The following MDGA2 variants were observed in gnomAD, a reference collection of about 807,000 sequenced individuals.
MDGA2 encodes the protein MAM domain containing glycosylphosphatidylinositol anchor 2.
MDGA2 carries 40 observed loss-of-function variants against 117.8 expected under a neutral mutation model. The observed-to-expected ratio is 0.34, with a 90% CI of 0.26 to 0.44. The LOEUF is 0.44. MDGA2 is among the 20% of genes least tolerant of loss of function. The probability of loss-of-function intolerance (pLI) is 1.00; values close to 1 mark genes in which losing one functional copy is unlikely to be tolerated. For synonymous variants in MDGA2, 452 were observed against 439.0 expected, an observed-to-expected ratio of 1.03 and a Z score of -0.37; for missense variants, 1,123 against 1,250.6, an observed-to-expected ratio of 0.90 and a Z score of 1.54.
At chr14:47,490,186 G>A (rs141462519) in intron 1 of MDGA2, among the ~76,000 whole-genome samples, 1 of 152,120 alleles carries the variant, frequency 6.6e-6, no homozygotes, top group Admixed American at 6.6e-5. Context: ...AACTCTTGGG[G>A]TTAGCTCATA....
intron 1 of MDGA2, among the ~76,000 whole-genome samples, chr14:47,568,060 C>T (rs888321715): frequency 2.0e-5 from 3 of 152,108 alleles, no homozygotes; most frequent in Admixed American, 2.0e-4. Context: ...TTAGTCAGTA[C>T]TGCTGGGGCC....
chr14:46,930,620 A>T (rs1884532787), intron 9 of MDGA2, among the ~76,000 whole-genome samples: 1 of 152,168 alleles, frequency 6.6e-6, no homozygotes, highest in Non-Finnish European at 1.5e-5. Context: ...GTGTACTTGA[A>T]ATGAGAAAGA....
At chr14:47,089,175 A>G (rs571322414) in intron 6 of MDGA2, among the ~76,000 whole-genome samples, 1 of 152,304 alleles carries the variant, frequency 6.6e-6, no homozygotes, top group African/African-American at 2.4e-5. Flanking sequence ...AATAGAGGAA[A>G]TAGAAAAGGA....
At chr14:47,072,392 G>A (rs554433191) in intron 6 of MDGA2, among the ~76,000 whole-genome samples, 1 of 152,244 alleles carries the variant, frequency 6.6e-6, no homozygotes, top group South Asian at 2.1e-4. Flanking sequence ...AGACTTGTTG[G>A]ATATAAGTCA....
At chr14:47,670,712 G>A (rs948481021) in intron 1 of MDGA2, among the ~76,000 whole-genome samples, 5 of 151,998 alleles carry the variant, frequency 3.3e-5, no homozygotes, top group South Asian at 2.1e-4. Flanking sequence ...AATTAATAAC[G>A]TGAAAAATAG....
At chr14:47,420,232 A>AC (rs1892551536) in intron 1 of MDGA2, among the ~76,000 whole-genome samples, 1 of 152,310 alleles carries the variant, frequency 6.6e-6, no homozygotes, top group Non-Finnish European at 1.5e-5. Context: ...CTGACAAGAC[A>AC]CCAACTGACA....
At chr14:47,245,696 T>C (rs1483107009) in intron 2 of MDGA2, among the ~76,000 whole-genome samples, 1 of 151,906 alleles carries the variant, frequency 6.6e-6, no homozygotes, top group Non-Finnish European at 1.5e-5. Flanking sequence ...TAGTATTTTT[T>C]GTAAACATAC....
chr14:47,388,233 C>T (rs1205577258), intron 1 of MDGA2, among the ~76,000 whole-genome samples: 3 of 152,074 alleles, frequency 2.0e-5, no homozygotes, highest in Admixed American at 6.6e-5. Context: ...TAAGAAATAA[C>T]GGTATAAGTG....
chr14:47,360,387 AAAT>A, intron 1 of MDGA2, among the ~76,000 whole-genome samples: 1 of 132,794 alleles, frequency 7.5e-6, no homozygotes, highest in South Asian at 2.3e-4. Flanking sequence ...ATAAATAAAT[AAAT>A]AAAATAAAAT....
At chr14:47,144,658 T>C (rs768569576) in intron 3 of MDGA2, among the ~76,000 whole-genome samples, 1 of 151,978 alleles carries the variant, frequency 6.6e-6, no homozygotes, top group African/African-American at 2.4e-5. Flanking sequence ...TTCTCTTTTT[T>C]CTTTTTTTAA....
chr14:47,285,920 C>T (rs183977687), intron 2 of MDGA2, among the ~76,000 whole-genome samples: 8 of 152,148 alleles, frequency 5.3e-5, no homozygotes, highest in Non-Finnish European at 7.4e-5. Flanking sequence ...GATTTTAAAA[C>T]CATGCCATTT....
At chr14:47,388,837 T>C (rs1223779895) in intron 1 of MDGA2, among the ~76,000 whole-genome samples, 2 of 152,130 alleles carry the variant, frequency 1.3e-5, no homozygotes, top group Non-Finnish European at 2.9e-5. Flanking sequence ...GGCCTGAGTC[T>C]AACTCCTCAG....
intron 1 of MDGA2, among the ~76,000 whole-genome samples, chr14:47,637,657 G>A (rs1428757726): frequency 2.0e-5 from 3 of 152,114 alleles, no homozygotes; most frequent in East Asian, 1.9e-4. Flanking sequence ...GCATAAAAAT[G>A]CCCTCATGTA....
At chr14:46,928,904 CT>C (rs1566529770) in intron 9 of MDGA2, among the ~76,000 whole-genome samples, 3 of 152,128 alleles carry the variant, frequency 2.0e-5, no homozygotes, top group Middle Eastern at 6.8e-3. Flanking sequence ...TGTTGAGGTC[CT>C]TTCCCAGATT....
chr14:47,359,358 CA>C (rs1051943737), intron 1 of MDGA2, among the ~76,000 whole-genome samples: 1 of 151,284 alleles, frequency 6.6e-6, no homozygotes, highest in Non-Finnish European at 1.5e-5. Context: ...GTCTCAAAAA[CA>C]AACAAACAAG....
In MDGA2 at chr14:47,613,709, C is replaced by T. The variant is rs188446545; in HGVS notation, c.280+60808G>A. On this transcript the variant is annotated intron_variant, in intron 1 of 16. Coordinates refer to ENST00000399232, the MANE Select transcript of MDGA2 (RefSeq NM_001113498.3). ...CCTTTGTGAATGATACATATCTGTC[C>T]TATCAACATTCATCACACGTGATGA... Among the ~76,000 whole-genome samples, 9 of 152,182 alleles carry T rather than the reference C, an allele frequency of 5.9e-5. No homozygotes were observed. In the East Asian group the frequency reaches 1.7e-3, roughly 29 times the overall value.
chr14:47,443,465 G>T (rs1250675794), intron 1 of MDGA2, among the ~76,000 whole-genome samples: 8 of 151,812 alleles, frequency 5.3e-5, no homozygotes, highest in Admixed American at 5.3e-4. Flanking sequence ...GATGAGAAAT[G>T]GTAATTGTGT....
intron 3 of MDGA2, among the ~76,000 whole-genome samples, chr14:47,209,513 C>A (rs1885807259): frequency 6.6e-6 from 1 of 152,132 alleles, no homozygotes; most frequent in East Asian, 1.9e-4. Flanking sequence ...TCTGTGAATG[C>A]ATCTTAAGAG....
chr14:47,070,717 C>T (rs1742074029), intron 6 of MDGA2, among the ~76,000 whole-genome samples: 1 of 152,244 alleles, frequency 6.6e-6, no homozygotes, highest in African/African-American at 2.4e-5. Context: ...GCAATTCTCC[C>T]ACCTCAGCTT....
Sources: gnomAD v4.1 joint callset for allele counts (sites outside exome capture counted in the v4.1 genomes callset) on GRCh38, gnomAD v4.1.1 for gene constraint, MANE v1.5 for transcripts, NCBI Gene and HGNC (gene_info 2026-07-23, HGNC 2026-07-21) for gene names.